The following DYNC2H1 variants were observed in gnomAD, a reference collection of about 807,000 sequenced individuals.
The protein encoded by DYNC2H1 is cytoplasmic dynein 2 heavy chain 1.
A neutral mutation model predicts 570.0 loss-of-function variants in DYNC2H1; 410 were observed. The ratio of observed to expected loss-of-function variants is 0.72; its 90% CI spans 0.66 to 0.78. DYNC2H1 has a LOEUF of 0.78. DYNC2H1 is among the 30% of genes least tolerant of loss of function. The pLI is 0.00. For synonymous variants in DYNC2H1, 1,688 were observed against 1,677.6 expected, an observed-to-expected ratio of 1.01 and a Z score of -0.15; for missense variants, 4,865 against 5,046.4, an observed-to-expected ratio of 0.96 and a Z score of 1.09.
intron 84 of DYNC2H1, among the ~76,000 whole-genome samples, chr11:103,430,843 G>A (rs554659354): frequency 6.6e-6 from 1 of 151,996 alleles, no homozygotes; most frequent in Admixed American, 6.6e-5. Context: ...GCCATTCTAC[G>A]CAGTTTGAAT....
Position 103,200,066 on chromosome 11 carries a change from T to G in DYNC2H1, c.8109T>G (p.Ile2703Met). ...TGCAGGTGCTGCAACTTGCAGGAAT[T>G]GAAGCACAACAGGTAGTTTTACTTC... ...DLKHVLQLAG[I>M]EAQQVVLLLE... Residue 2703 changes from isoleucine (I) to methionine (M), a missense_variant, in exon 50 of 89, where the codon ATT becomes ATG. This residue lies in a region of DYNC2H1 where 2,401 missense variants were observed against 2,454.6 expected (regional missense o/e 0.98). Coordinates refer to ENST00000375735, the MANE Select transcript of DYNC2H1 (RefSeq NM_001377.3). 6.3e-7 allele frequency: 1 copy of G among 1,586,470 alleles called. No individual in the cohort carries two copies. Among genetic ancestry groups the G allele is most frequent in the African/African-American group, 1.3e-5 (1 of 74,536 alleles).
chr11:103,146,525 T>C (rs918012885), intron 18 of DYNC2H1, among the ~76,000 whole-genome samples: 2 of 152,228 alleles, frequency 1.3e-5, no homozygotes. Flanking sequence ...CAGAGACAAT[T>C]CCTGTTAATA....
chr11:103,187,311 C>G (rs775838756), intron 42 of DYNC2H1, 29 bp from the exon 43 acceptor site: 12 of 1,607,634 alleles, frequency 7.5e-6, no homozygotes, highest in Non-Finnish European at 1.0e-5. Flanking sequence ...GCATTTTTAT[C>G]AAAGTCAGAT....
At chr11:103,318,451 A>AT (rs2135431825) in intron 80 of DYNC2H1, among the ~76,000 whole-genome samples, 1 of 152,278 alleles carries the variant, frequency 6.6e-6, no homozygotes, top group African/African-American at 2.4e-5. Context: ...TATTTGATAG[A>AT]TTCAGCTATG....
At chr11:103,331,286 C>A (rs956466122) in intron 82 of DYNC2H1, among the ~76,000 whole-genome samples, 1 of 152,166 alleles carries the variant, frequency 6.6e-6, no homozygotes, top group Non-Finnish European at 1.5e-5. Context: ...GTTCTTACCC[C>A]CTTACAGGCT....
chr11:103,360,157 G>T (rs992311663), intron 83 of DYNC2H1, among the ~76,000 whole-genome samples: 13 of 151,796 alleles, frequency 8.6e-5, no homozygotes, highest in Admixed American at 2.0e-4. Context: ...TTGCTCAAAG[G>T]TTTCATTTTA....
chr11:103,204,795 G>A lies in DYNC2H1; in HGVS notation c.8312-27G>A. ...CAGACCACGTATAGATTGCCTGATT[G>A]TATTATTATTCTTATATATTTCTTA... On this transcript the variant is annotated intron_variant, in intron 51 of 88. Transcript: ENST00000375735. This position sits in a 1 kb window ranked among gnomAD's most constrained non-coding sequence, Gnocchi z 4.1. 6.4e-7 allele frequency: 1 copy of A among 1,552,232 alleles called. No homozygotes were observed. Among genetic ancestry groups the A allele is most frequent in the Non-Finnish European group, 8.7e-7 (1 of 1,144,896 alleles).
chr11:103,198,177 T>G (rs192084730), intron 48 of DYNC2H1, 114 bp downstream of exon 48: 1 of 1,230,318 alleles, frequency 8.1e-7, no homozygotes, highest in African/African-American at 1.5e-5. Context: ...TAGGCAAAGC[T>G]GGTTCTTATC....
intron 83 of DYNC2H1, among the ~76,000 whole-genome samples, chr11:103,386,550 G>T (rs1941882744): frequency 6.6e-6 from 1 of 151,922 alleles, no homozygotes. Context: ...TGCACAGCGT[G>T]CAGGTTTGTT....
intron 83 of DYNC2H1, among the ~76,000 whole-genome samples, chr11:103,359,529 A>G (rs1385438979): frequency 6.6e-6 from 1 of 152,094 alleles, no homozygotes; most frequent in Non-Finnish European, 1.5e-5. Context: ...ACTTTTTTCG[A>G]TTATTATGTA....
chr11:103,274,885 A>G (rs1267094296), intron 70 of DYNC2H1, among the ~76,000 whole-genome samples: 1 of 152,058 alleles, frequency 6.6e-6, no homozygotes, highest in Non-Finnish European at 1.5e-5. Context: ...ACCTGAGGTC[A>G]GGAGTTGGAG....
chr11:103,350,365 G>A (rs1212246862), intron 82 of DYNC2H1, among the ~76,000 whole-genome samples: 1 of 151,974 alleles, frequency 6.6e-6, no homozygotes, highest in Non-Finnish European at 1.5e-5. Flanking sequence ...TGATGATTTA[G>A]TATTTTTCCT....
At chr11:103,113,104 AAG>A (rs1194095455) in intron 1 of DYNC2H1, among the ~76,000 whole-genome samples, 8 of 152,182 alleles carry the variant, frequency 5.3e-5, no homozygotes, top group Non-Finnish European at 1.0e-4. Flanking sequence ...TTTTCTAAGT[AAG>A]AGGGTAATTA....
chr11:103,300,460 A>G lies in DYNC2H1; in HGVS notation c.11096-2633A>G, dbSNP rs372806470. ...TATTGATGATTCTGATGGTATCATG[A>G]ATCAGAATTATTTGGATTGATAAAA... On this transcript the variant is annotated intron_variant, in intron 75 of 88. Coordinates refer to ENST00000375735, the MANE Select transcript of DYNC2H1 (RefSeq NM_001377.3). Among the ~76,000 whole-genome samples the G allele has an allele frequency of 1.4e-4, 21 of 152,132 alleles. 1 individual carries two copies. The highest frequency in any genetic ancestry group is 8.3e-4 in the South Asian group (4 of 4,832).
Position 103,199,311 on chromosome 11 carries a change from T to A in DYNC2H1, c.7923T>A (p.Asp2641Glu). The change falls in exon 49 of 89, where the codon GAT (aspartate) becomes GAA (glutamate). Residue 2641 changes from aspartate to glutamate, a missense_variant. Asp to Glu is a conservative substitution (Grantham distance 45). Coordinates refer to ENST00000375735, the MANE Select transcript of DYNC2H1 (RefSeq NM_001377.3). The surrounding 1 kb of genome is among the most constrained non-coding windows in gnomAD (Gnocchi z 4.6). ...TCTTGGAGTATATGTCTAGGATAGA[T>A]AGAGTGCTGAGTTTCCCTGGAGGTT... ...HEVLEYMSRIDRVLSFPGGSL... is the reference protein window; with the variant it reads ...HEVLEYMSRIERVLSFPGGSL... 6.2e-7 allele frequency: 1 copy of A among 1,611,750 alleles called. No individual in the cohort carries two copies. The highest frequency in any genetic ancestry group is 8.5e-7 in the Non-Finnish European group (1 of 1,179,670).
chr11:103,313,355 A>G (rs995744950), intron 79 of DYNC2H1, among the ~76,000 whole-genome samples: 1 of 152,180 alleles, frequency 6.6e-6, no homozygotes, highest in Non-Finnish European at 1.5e-5. Context: ...TTCCATTGCC[A>G]TGGCAGTCAT....
rs751229758 is a variant in DYNC2H1 at position 103,177,851 on chromosome 11, CTTAG to C, written c.6139+33_6139+36del. On this transcript the variant is annotated intron_variant, in intron 38 of 88. Transcript: ENST00000375735. This position sits in a 1 kb window ranked among gnomAD's most constrained non-coding sequence, Gnocchi z 4.4. ...TCTCTATGTATACTTCTTTGCTTTACTTAGTAATTCTTAGATAATGATATAATTT... is the reference window on the plus strand; with the variant it reads ...TCTCTATGTATACTTCTTTGCTTTACTAATTCTTAGATAATGATATAATTT... 2.8e-5 allele frequency: 44 copies of C among 1,562,896 alleles called. No individual in the cohort carries two copies. The East Asian group carries it at 9.4e-4, about 33-fold the overall frequency.
chr11:103,374,280 G>A (rs1022186890), intron 83 of DYNC2H1, among the ~76,000 whole-genome samples: 1 of 152,266 alleles, frequency 6.6e-6, no homozygotes. Flanking sequence ...TCATGATAGC[G>A]AGTGAGTTCT....
Position 103,215,855 on chromosome 11 carries a change from G to T in DYNC2H1, c.8829G>T (p.Met2943Ile), listed in dbSNP as rs1247841173. 1 of 1,612,282 alleles carries T rather than the reference G, an allele frequency of 6.2e-7. No homozygotes were observed. Among genetic ancestry groups the T allele is most frequent in the African/African-American group, 1.3e-5 (1 of 74,880 alleles). The change falls in exon 55 of 89, where the codon ATG becomes ATT. Residue 2943 changes from methionine to isoleucine, a missense_variant. Transcript: ENST00000375735. The stretch of plus-strand genomic sequence containing the variant: ...CCCTTCAAATGATCACAGTGTCAAT[G>T]CAGGTAATGTTTAGAGTGACCACAA... ...DAALQMITVS[M>I]QDASEQKTEL...
Sources: gnomAD v4.1 joint callset for allele counts (sites outside exome capture counted in the v4.1 genomes callset) on GRCh38, gnomAD v4.1.1 for gene constraint, gnomAD v4.1.1 regional missense constraint, Gnocchi (gnomAD v3.1) non-coding constraint, MANE v1.5 for transcripts, NCBI Gene and HGNC (gene_info 2026-07-23, HGNC 2026-07-21) for gene names.